The following KCNIP4 variants were observed in gnomAD, a reference collection of about 807,000 sequenced individuals.
KCNIP4 encodes potassium voltage-gated channel interacting protein 4.
A neutral mutation model predicts 34.0 loss-of-function variants in KCNIP4; 12 were observed. The ratio of observed to expected loss-of-function variants is 0.35; its 90% confidence interval spans 0.23 to 0.57. The LOEUF is 0.57. Ranked by LOEUF, KCNIP4 falls within the 20% of genes least tolerant of loss-of-function variation. The pLI, the probability that KCNIP4 is intolerant of heterozygous loss-of-function variation, is 0.83. For synonymous variants in KCNIP4, 124 were observed against 102.2 expected (o/e 1.21, Z -1.29); for missense variants, 238 against 311.7 (o/e 0.76, Z 1.78).
intron 1 of KCNIP4, among the ~76,000 whole-genome samples, chr4:21,040,595 A>G (rs1362226973): frequency 6.6e-6 from 1 of 152,198 alleles, no homozygotes; most frequent in Non-Finnish European, 1.5e-5. Flanking sequence ...CCTAAAATTG[A>G]AACAGTACCT....
At chr4:20,791,552 AT>A (rs895305049) in intron 3 of KCNIP4, among the ~76,000 whole-genome samples, 8 of 151,860 alleles carry the variant, frequency 5.3e-5, no homozygotes, top group African/African-American at 1.7e-4. Context: ...CTTGTAAGAT[AT>A]TTTTTTTGCA....
At chr4:21,336,888 A>T (rs1716231090) in intron 1 of KCNIP4, among the ~76,000 whole-genome samples, 1 of 152,084 alleles carries the variant, frequency 6.6e-6, no homozygotes, top group Non-Finnish European at 1.5e-5. Context: ...CTTTAACAGC[A>T]CACCTAAATA....
At chr4:20,917,856 A>G (rs543104015) in intron 1 of KCNIP4, among the ~76,000 whole-genome samples, 3 of 152,254 alleles carry the variant, frequency 2.0e-5, no homozygotes, top group East Asian at 1.9e-4. Flanking sequence ...GTAAAACCCA[A>G]TAACGACAGG....
chr4:20,858,286 T>C (rs773630735), intron 2 of KCNIP4, among the ~76,000 whole-genome samples: 1 of 145,200 alleles, frequency 6.9e-6, no homozygotes, highest in Non-Finnish European at 1.5e-5. Context: ...AAAGGCCATG[T>C]GAAGATGGAG....
chr4:21,069,713 G>A lies in KCNIP4; in HGVS notation c.62-187004C>T, dbSNP rs570777266. Among the ~76,000 whole-genome samples the A allele has an allele frequency of 3.9e-5, 6 of 152,314 alleles. No homozygotes were observed. In the South Asian group the frequency reaches 6.2e-4, roughly 16 times the overall value. Reference sequence around the variant, plus strand: ...ACAGAAAAATAGAAATTTGGATGTAGAGCAAATCTTATTTTTTCACTTTTT... The same window carrying A: ...ACAGAAAAATAGAAATTTGGATGTAAAGCAAATCTTATTTTTTCACTTTTT... On this transcript the variant is annotated intron_variant, in intron 1 of 8. Coordinates refer to ENST00000382152, the MANE Select transcript of KCNIP4 (RefSeq NM_025221.6).
intron 1 of KCNIP4, among the ~76,000 whole-genome samples, chr4:21,625,343 C>T (rs1308396387): frequency 6.6e-6 from 1 of 151,962 alleles, no homozygotes; most frequent in Non-Finnish European, 1.5e-5. Flanking sequence ...ATGAGAATGT[C>T]TATAATTACT....
chr4:21,928,127 T>TATATAC (rs141651426), intron 1 of KCNIP4, among the ~76,000 whole-genome samples: 50 of 143,968 alleles, frequency 3.5e-4, no homozygotes, highest in East Asian at 8.6e-4. Context: ...TATATATATA[T>TATATAC]ACACACACAC....
intron 1 of KCNIP4, among the ~76,000 whole-genome samples, chr4:21,399,963 T>C (rs966098622): frequency 3.9e-5 from 6 of 152,162 alleles, no homozygotes; most frequent in Non-Finnish European, 7.3e-5. Context: ...TATACTTTCC[T>C]GGAGAGGAGA....
At chr4:20,959,615 A>G (rs17635274) in intron 1 of KCNIP4, among the ~76,000 whole-genome samples, 3,059 of 152,304 alleles carry the variant, frequency 0.02, 49 homozygotes, top group Non-Finnish European at 0.031. Flanking sequence ...TCTCTGATGC[A>G]TTCCCCAGCT....
At chr4:20,836,583 T>G (rs1477139822) in intron 3 of KCNIP4, among the ~76,000 whole-genome samples, 1 of 152,172 alleles carries the variant, frequency 6.6e-6, no homozygotes, top group Non-Finnish European at 1.5e-5. Context: ...TTCAACATTA[T>G]AGTCAAGGCA....
At position 21,274,771 on chromosome 4, in the gene KCNIP4, A is replaced by T. The variant is rs1762340202; in HGVS notation, c.62-392062T>A. Among the ~76,000 whole-genome samples the T allele has an allele frequency of 2.6e-5, 4 of 152,298 alleles. No individual in the cohort carries two copies. In the South Asian group the frequency reaches 8.3e-4, roughly 32 times the overall value. Reference sequence around the variant, plus strand: ...CATCGAGAGTTTTAAATTTATTAATACCACCAAGTTTACTCAGCTGTTTCT... The same window carrying T: ...CATCGAGAGTTTTAAATTTATTAATTCCACCAAGTTTACTCAGCTGTTTCT... On this transcript the variant is annotated intron_variant, in intron 1 of 8. Transcript: ENST00000382152.
chr4:21,313,832 C>T (rs1713445556), intron 1 of KCNIP4, among the ~76,000 whole-genome samples: 1 of 152,186 alleles, frequency 6.6e-6, no homozygotes, highest in Non-Finnish European at 1.5e-5. Flanking sequence ...GATGGCACCT[C>T]TCTGAACTAC....
chr4:21,834,183 A>G (rs2109309808), intron 1 of KCNIP4, among the ~76,000 whole-genome samples: 1 of 152,304 alleles, frequency 6.6e-6, no homozygotes, highest in Non-Finnish European at 1.5e-5. Context: ...TACCTTGTGC[A>G]GTATGGCCAT....
chr4:20,880,936 T>A (rs571755815), intron 2 of KCNIP4, among the ~76,000 whole-genome samples: 1 of 152,338 alleles, frequency 6.6e-6, no homozygotes, highest in South Asian at 2.1e-4. Flanking sequence ...GCAATGTATC[T>A]AAACTATAAT....
intron 1 of KCNIP4, among the ~76,000 whole-genome samples, chr4:21,525,601 G>GT (rs139602526): frequency 0.039 from 5,956 of 152,110 alleles, 101 homozygotes; most frequent in South Asian, 0.051. Flanking sequence ...AATGACATTT[G>GT]TTTTTTTATT....
At chr4:20,847,147 A>G (rs990916327) in intron 3 of KCNIP4, among the ~76,000 whole-genome samples, 1 of 152,052 alleles carries the variant, frequency 6.6e-6, no homozygotes, top group Non-Finnish European at 1.5e-5. Flanking sequence ...TACTATAATA[A>G]CTCCTTTTTA....
Position 21,066,050 on chromosome 4 carries a change from A to G in KCNIP4, c.62-183341T>C, listed in dbSNP as rs187693507. 1.6e-3 allele frequency among the ~76,000 whole-genome samples: 250 copies of G among 152,162 alleles called. 2 individuals carry two copies. Among genetic ancestry groups the G allele is most frequent in the Non-Finnish European group, 3.0e-3 (201 of 68,002 alleles). On this transcript the variant is annotated intron_variant, in intron 1 of 8. Coordinates refer to ENST00000382152, the MANE Select transcript of KCNIP4 (RefSeq NM_025221.6). The stretch of plus-strand genomic sequence containing the variant: ...ATTAATAGCCCCTTCGAGTTTTTAT[A>G]GACCCTAGGGTAAAAACAAACAAAC...
chr4:21,710,607 T>A (rs1037014267), intron 1 of KCNIP4, among the ~76,000 whole-genome samples: 4 of 152,116 alleles, frequency 2.6e-5, no homozygotes, highest in Admixed American at 2.6e-4. Context: ...TTCGGCCCCA[T>A]GTGAACTCTG....
chr4:21,198,307 T>A (rs538174802), intron 1 of KCNIP4, among the ~76,000 whole-genome samples: 1 of 152,208 alleles, frequency 6.6e-6, no homozygotes, highest in Non-Finnish European at 1.5e-5. Context: ...GAGCCACTGC[T>A]AGCATTAGTG....
Sources: gnomAD v4.1 joint callset for allele counts (sites outside exome capture counted in the v4.1 genomes callset) on GRCh38, gnomAD v4.1.1 for gene constraint, MANE v1.5 for transcripts, NCBI Gene and HGNC (gene_info 2026-07-23, HGNC 2026-07-21) for gene names.